FSIP1: variants seen among roughly 807,000 people sequenced by gnomAD.
FSIP1 encodes the protein fibrous sheath-interacting protein 1.
A neutral mutation model predicts 60.9 loss-of-function variants in FSIP1; 65 were observed. The ratio of observed to expected loss-of-function variants is 1.07; its 90% confidence interval spans 0.87 to 1.31. The LOEUF (loss-of-function observed/expected upper bound fraction) is 1.31. FSIP1 is among the 40% of genes most tolerant of loss of function. The probability of loss-of-function intolerance (pLI) is 0.00; values close to 1 mark genes in which losing one functional copy is unlikely to be tolerated. For missense variants in FSIP1, 675 were observed against 665.5 expected, an observed-to-expected ratio of 1.01 and a Z score of -0.16; for synonymous variants, 209 against 221.2, an observed-to-expected ratio of 0.94 and a Z score of 0.49.
chr15:39,650,437 A>G (rs1014546706), intron 10 of FSIP1, among the ~76,000 whole-genome samples: 4 of 152,158 alleles, frequency 2.6e-5, no homozygotes, highest in Non-Finnish European at 4.4e-5. Context: ...CTTTTCAAAT[A>G]CCCAAAATAT....
intron 5 of FSIP1, among the ~76,000 whole-genome samples, chr15:39,763,160 C>T (rs145543527): frequency 1.1e-4 from 17 of 152,040 alleles, no homozygotes; most frequent in East Asian, 3.9e-4. Context: ...ACCTCCGTAA[C>T]GAAACAGAAG....
intron 9 of FSIP1, among the ~76,000 whole-genome samples, chr15:39,719,057 T>A (rs1207476994): frequency 6.6e-6 from 1 of 152,200 alleles, no homozygotes; most frequent in African/African-American, 2.4e-5. Flanking sequence ...TGGCCTCCGA[T>A]GGCATAACCA....
chr15:39,702,982 C>CT (rs67911946), intron 10 of FSIP1, among the ~76,000 whole-genome samples: 29 of 133,970 alleles, frequency 2.2e-4, no homozygotes, highest in South Asian at 1.7e-3. Context: ...TCATAATTGT[C>CT]TTTTTTTTTT....
chr15:39,725,179 C>T (rs1316259801), intron 9 of FSIP1, among the ~76,000 whole-genome samples: 1 of 152,114 alleles, frequency 6.6e-6, no homozygotes, highest in Admixed American at 6.5e-5. Flanking sequence ...TGCAGTGAGC[C>T]GAGATCGCGC....
chr15:39,769,266 G>A (rs1359778240), intron 3 of FSIP1, among the ~76,000 whole-genome samples: 23 of 143,688 alleles, frequency 1.6e-4, no homozygotes, highest in Admixed American at 7.2e-4. Flanking sequence ...GCGACAGAGC[G>A]AGACTCCGTC....
At chr15:39,651,039 T>A (rs1202512931) in intron 10 of FSIP1, among the ~76,000 whole-genome samples, 1 of 151,924 alleles carries the variant, frequency 6.6e-6, no homozygotes, top group Non-Finnish European at 1.5e-5. Context: ...TCAGATGGAG[T>A]CCCAGAGGGC....
intron 11 of FSIP1, among the ~76,000 whole-genome samples, chr15:39,610,207 T>C (rs559023992): frequency 2.0e-5 from 3 of 152,218 alleles, no homozygotes; most frequent in African/African-American, 4.8e-5. Context: ...TTTCTTATAA[T>C]AAAATTCTAA....
chr15:39,763,496 G>A (rs1171036792), intron 5 of FSIP1, among the ~76,000 whole-genome samples: 1 of 152,132 alleles, frequency 6.6e-6, no homozygotes, highest in African/African-American at 2.4e-5. Flanking sequence ...TAAGCAGTTA[G>A]GGAATTGTAT....
intron 10 of FSIP1, among the ~76,000 whole-genome samples, chr15:39,633,247 G>A (rs934508752): frequency 4.0e-5 from 6 of 151,798 alleles, no homozygotes; most frequent in Admixed American, 2.0e-4. Flanking sequence ...GCACCATTGC[G>A]TCCAGCTAAT....
Position 39,717,288 on chromosome 15 carries a change from T to G in FSIP1, c.1051-3707A>C, listed in dbSNP as rs1470313475. 2.0e-5 allele frequency among the ~76,000 whole-genome samples: 3 copies of G among 152,090 alleles called. No homozygotes were observed. The South Asian group carries it at 6.2e-4, about 32-fold the overall frequency. ...ATCAATAGAGTATGATAAACTATGG[T>G]GAGCACCTGCCACAGCTGGGACAAT... On this transcript the variant is annotated intron_variant, in intron 9 of 11. Transcript: ENST00000350221.
intron 10 of FSIP1, among the ~76,000 whole-genome samples, chr15:39,658,307 T>C (rs373315293): frequency 2.0e-5 from 3 of 148,106 alleles, no homozygotes; most frequent in African/African-American, 7.5e-5. Flanking sequence ...GGCTGGAGTA[T>C]AGTGGCGCGA....
chr15:39,709,870 G>A (rs1278188926), intron 10 of FSIP1, among the ~76,000 whole-genome samples: 2 of 152,140 alleles, frequency 1.3e-5, no homozygotes, highest in East Asian at 3.9e-4. Flanking sequence ...AAATACAAAC[G>A]AAGCCACCCT....
chr15:39,631,720 T>C (rs1480635179), intron 10 of FSIP1, among the ~76,000 whole-genome samples: 1 of 152,246 alleles, frequency 6.6e-6, no homozygotes, highest in African/African-American at 2.4e-5. Context: ...AAAATAGAAC[T>C]GAATAATAAT....
At position 39,601,367 on chromosome 15, in the gene FSIP1, GAGA is replaced by G. The variant is rs144909858; in HGVS notation, c.1700-444_1700-442del. ...ATGGAAATATTTTTCTACCCTTGGT[GAGA>G]AGGTTATCAGAAAATGCAGAATTGA... On this transcript the variant is annotated intron_variant, in intron 11 of 11. Coordinates refer to ENST00000350221, the MANE Select transcript of FSIP1 (RefSeq NM_152597.5). 1.5e-3 allele frequency among the ~76,000 whole-genome samples: 235 copies of G among 152,354 alleles called. 1 individual carries two copies. The highest frequency in any genetic ancestry group is 5.3e-3 in the African/African-American group (222 of 41,586).
In FSIP1 at chr15:39,649,374, G is replaced by A. The variant is rs555650558; in HGVS notation, c.1189-31129C>T. On this transcript the variant is annotated intron_variant, in intron 10 of 11. Coordinates refer to ENST00000350221, the MANE Select transcript of FSIP1 (RefSeq NM_152597.5). ...AGTCATAAAGACACTATAAGTTTCC[G>A]AGTAGAAATGCTTCAAGTTTTCAAT... Among the ~76,000 whole-genome samples, 12 of 152,246 alleles carry A rather than the reference G, an allele frequency of 7.9e-5. No individual in the cohort carries two copies. In the East Asian group the frequency reaches 1.7e-3, roughly 22 times the overall value.
intron 10 of FSIP1, among the ~76,000 whole-genome samples, chr15:39,619,059 TC>T (rs1891348405): frequency 6.6e-6 from 1 of 152,108 alleles, no homozygotes; most frequent in Non-Finnish European, 1.5e-5. Flanking sequence ...GAACAAGAAG[TC>T]CCCATAAGAA....
chr15:39,678,804 C>G (rs16969551), intron 10 of FSIP1, among the ~76,000 whole-genome samples: 9,775 of 152,250 alleles, frequency 0.064, 413 homozygotes, highest in African/African-American at 0.12. Context: ...CACATAGCCT[C>G]AGTCTGCTTC....
intron 5 of FSIP1, among the ~76,000 whole-genome samples, chr15:39,753,655 T>A (rs558256075): frequency 6.6e-6 from 1 of 151,990 alleles, no homozygotes; most frequent in African/African-American, 2.4e-5. Flanking sequence ...TATATTGAAA[T>A]GCATTCAATA....
intron 10 of FSIP1, among the ~76,000 whole-genome samples, chr15:39,633,829 C>T (rs1892012722): frequency 6.6e-6 from 1 of 152,314 alleles, no homozygotes; most frequent in Admixed American, 6.5e-5. Flanking sequence ...AAATGAAACA[C>T]CAGACTTTGC....
Sources: gnomAD v4.1 joint callset for allele counts (sites outside exome capture counted in the v4.1 genomes callset) on GRCh38, gnomAD v4.1.1 for gene constraint, MANE v1.5 for transcripts, NCBI Gene and HGNC (gene_info 2026-07-23, HGNC 2026-07-21) for gene names.